COTL1: variants seen among roughly 807,000 people sequenced by gnomAD.
COTL1 encodes coactosin like F-actin binding protein 1.
Under a neutral mutation model 16.5 loss-of-function variants are expected in COTL1, and 15 were observed. The observed-to-expected ratio is 0.91, with a 90% confidence interval of 0.61 to 1.40. COTL1 has a LOEUF of 1.40. COTL1 is among the 40% of genes most tolerant of loss of function. COTL1 has a pLI of 0.00. For synonymous variants in COTL1, 112 were observed against 85.3 expected (o/e 1.31, Z -1.73); for missense variants, 220 against 201.5 (o/e 1.09, Z -0.56).
At chr16:84,569,671 C>T (rs903876914) in intron 3 of COTL1, among the ~76,000 whole-genome samples, 5 of 152,140 alleles carry the variant, frequency 3.3e-5, no homozygotes, top group Non-Finnish European at 7.4e-5. Context: ...GACAGAACAC[C>T]CTTGAGATCC....
chr16:84,615,707 A>G (rs1272715063), intron 2 of COTL1, among the ~76,000 whole-genome samples: 1 of 152,192 alleles, frequency 6.6e-6, no homozygotes, highest in Admixed American at 6.5e-5. Flanking sequence ...TCAACTACAG[A>G]GGCGGAGGGA....
chr16:84,602,476 A>G (rs1423493117), intron 2 of COTL1, among the ~76,000 whole-genome samples: 1 of 152,186 alleles, frequency 6.6e-6, no homozygotes, highest in Non-Finnish European at 1.5e-5. Context: ...CCACCCCCAG[A>G]GAGCAGGAAT....
chr16:84,584,678 CA>C (rs1904677095), intron 3 of COTL1, among the ~76,000 whole-genome samples: 1 of 151,956 alleles, frequency 6.6e-6, no homozygotes, highest in African/African-American at 2.4e-5. Flanking sequence ...AGTGTAGAAA[CA>C]TTTCTTGCGT....
chr16:84,588,345 T>C (rs1314135871), intron 3 of COTL1, among the ~76,000 whole-genome samples: 3 of 152,216 alleles, frequency 2.0e-5, no homozygotes, highest in Non-Finnish European at 4.4e-5. Context: ...ATTTCACTAC[T>C]GTTAACATCT....
At chr16:84,589,493 A>C (rs1012246380) in intron 3 of COTL1, among the ~76,000 whole-genome samples, 17 of 152,098 alleles carry the variant, frequency 1.1e-4, no homozygotes, top group African/African-American at 3.1e-4. Context: ...GGGTTGTGAG[A>C]AATCCTTTTG....
chr16:84,577,496 CG>C (rs1904480377), intron 3 of COTL1, among the ~76,000 whole-genome samples: 1 of 152,196 alleles, frequency 6.6e-6, no homozygotes, highest in African/African-American at 2.4e-5. Context: ...CCACCTGCCT[CG>C]GTCTCCCAAA....
intron 2 of COTL1, among the ~76,000 whole-genome samples, chr16:84,602,073 C>G (rs1450127092): frequency 6.6e-6 from 1 of 152,150 alleles, no homozygotes; most frequent in Non-Finnish European, 1.5e-5. Flanking sequence ...CTAGCACATC[C>G]AAAGCACCCA....
chr16:84,581,655 C>T (rs1013206621), intron 3 of COTL1, among the ~76,000 whole-genome samples: 4 of 152,040 alleles, frequency 2.6e-5, no homozygotes, highest in African/African-American at 9.7e-5. Flanking sequence ...AGGCGTGTGC[C>T]ACTATGCCCA....
intron 3 of COTL1, among the ~76,000 whole-genome samples, chr16:84,571,933 G>T (rs1597166463): frequency 1.3e-5 from 2 of 152,334 alleles, no homozygotes; most frequent in African/African-American, 4.8e-5. Flanking sequence ...TACACGGGGT[G>T]CTCCCAAGCC....
intron 2 of COTL1, chr16:84,596,151 G>C (rs886114223): frequency 6.6e-6 from 1 of 152,422 alleles, no homozygotes; most frequent in Admixed American, 6.5e-5. Flanking sequence ...CAACCCCAGT[G>C]GGGGACGGGG....
intron 3 of COTL1, among the ~76,000 whole-genome samples, chr16:84,572,899 C>T (rs1402227515): frequency 4.0e-5 from 6 of 150,742 alleles, no homozygotes; most frequent in Non-Finnish European, 8.8e-5. Flanking sequence ...ACTACAGGTA[C>T]ACACCACCAT....
intron 3 of COTL1, among the ~76,000 whole-genome samples, chr16:84,580,755 T>G (rs1241131797): frequency 6.6e-6 from 1 of 152,208 alleles, no homozygotes; most frequent in Non-Finnish European, 1.5e-5. Context: ...CATGGATGAA[T>G]AAGCCTGGCC....
intron 3 of COTL1, among the ~76,000 whole-genome samples, chr16:84,585,415 T>A (rs1904696879): frequency 1.3e-5 from 2 of 151,336 alleles, no homozygotes; most frequent in African/African-American, 4.9e-5. Flanking sequence ...GACCGTGCAA[T>A]TAATTTACAC....
chr16:84,611,355 C>T (rs764248525), intron 2 of COTL1, among the ~76,000 whole-genome samples: 7 of 152,140 alleles, frequency 4.6e-5, no homozygotes, highest in East Asian at 1.9e-4. Context: ...AGAGAAACTA[C>T]GTAGCCATTT....
chr16:84,605,132 C>CA (rs376852752), intron 2 of COTL1, among the ~76,000 whole-genome samples: 1 of 142,926 alleles, frequency 7.0e-6, no homozygotes, highest in African/African-American at 3.0e-5. Flanking sequence ...CTTCCCACGG[C>CA]CCCCCATGGC....
At chr16:84,607,517 C>G (rs1905237970) in intron 2 of COTL1, among the ~76,000 whole-genome samples, 1 of 152,160 alleles carries the variant, frequency 6.6e-6, no homozygotes, top group Non-Finnish European at 1.5e-5. Flanking sequence ...TCATTACTCC[C>G]TCAGAGAGAA....
intron 3 of COTL1, among the ~76,000 whole-genome samples, chr16:84,573,573 A>G (rs1362307104): frequency 6.6e-6 from 1 of 152,048 alleles, no homozygotes; most frequent in Non-Finnish European, 1.5e-5. Flanking sequence ...TCAGCAGTTC[A>G]AGGCCAGCCT....
intron 2 of COTL1, among the ~76,000 whole-genome samples, chr16:84,591,823 CAAAT>C (rs376086920): frequency 0.25 from 30,733 of 120,692 alleles, 3,667 homozygotes; most frequent in African/African-American, 0.39. Flanking sequence ...GACCCTGTCT[CAAAT>C]AAAATAAAAT....
rs112929581 is a variant in COTL1 at position 84,602,563 on chromosome 16, A to G, written c.161-12301T>C. Among the ~76,000 whole-genome samples the G allele has an allele frequency of 6.3e-3, 966 of 152,190 alleles. 14 individuals are homozygous for G. Among genetic ancestry groups the G allele is most frequent in the African/African-American group, 0.022 (919 of 41,512 alleles). On this transcript the variant is annotated intron_variant, in intron 2 of 3. Coordinates refer to ENST00000262428, the MANE Select transcript of COTL1 (RefSeq NM_021149.5). ...TTTTGACAAATTTGTGGTTTAATAAAAGCACATGTGGCCAGACGCAGTGGC... is the reference window on the plus strand; with the variant it reads ...TTTTGACAAATTTGTGGTTTAATAAGAGCACATGTGGCCAGACGCAGTGGC...
Sources: allele counts gnomAD v4.1 joint callset (sites outside exome capture counted in the v4.1 genomes callset), GRCh38; gene constraint gnomAD v4.1.1; transcripts MANE v1.5; gene names NCBI Gene and HGNC (gene_info 2026-07-23, HGNC 2026-07-21).